CSNK1E: variants seen among roughly 807,000 people sequenced by gnomAD.
CSNK1E encodes the protein casein kinase I isoform epsilon.
CSNK1E carries 17 observed loss-of-function variants against 46.1 expected under a neutral mutation model. The observed-to-expected ratio is 0.37, with a 90% confidence interval of 0.25 to 0.55. CSNK1E has a LOEUF of 0.55. Among genes scored for constraint, CSNK1E ranks in the 20% least tolerant of loss-of-function variants. The probability of loss-of-function intolerance (pLI) is 0.82; values close to 1 mark genes in which losing one functional copy is unlikely to be tolerated. For missense variants in CSNK1E, 386 were observed against 595.4 expected (o/e 0.65, Z 3.66); for synonymous variants, 241 against 242.6 (o/e 0.99, Z 0.06).
At position 38,294,275 on chromosome 22, in the gene CSNK1E, C is replaced by T; in HGVS notation, c.1079-27G>A. ...TGGAGGGAGAGTGGGAAGCCACCCT[C>T]AGAGTAGGCACAAACAGAGCCCCCC... On this transcript the variant is annotated intron_variant, in intron 8 of 10. Coordinates refer to ENST00000396832, the MANE Select transcript of CSNK1E (RefSeq NM_152221.3). This position sits in a 1 kb window ranked among gnomAD's most constrained non-coding sequence, Gnocchi z 5.5. The T allele has an allele frequency of 6.2e-7, 1 of 1,608,156 alleles. No individual in the cohort carries two copies. Among genetic ancestry groups the T allele is most frequent in the Non-Finnish European group, 8.5e-7 (1 of 1,178,388 alleles).
At chr22:38,311,174 C>T (rs536327234) in intron 2 of CSNK1E, among the ~76,000 whole-genome samples, 10 of 152,152 alleles carry the variant, frequency 6.6e-5, no homozygotes, top group Admixed American at 5.2e-4. Context: ...GCCCAGCACA[C>T]GTGGGTATTT....
chr22:38,308,376 T>G (rs1006730766), intron 2 of CSNK1E, among the ~76,000 whole-genome samples: 1 of 152,056 alleles, frequency 6.6e-6, no homozygotes, highest in African/African-American at 2.4e-5. Flanking sequence ...TGAGGATCCT[T>G]AGAGTCCCCT....
At chr22:38,308,599 C>T (rs1203326138) in intron 2 of CSNK1E, among the ~76,000 whole-genome samples, 1 of 152,116 alleles carries the variant, frequency 6.6e-6, no homozygotes, top group African/African-American at 2.4e-5. Flanking sequence ...GACAGACAAA[C>T]ATGCTTACAA....
chr22:38,303,480 G>A lies in CSNK1E; in HGVS notation c.77-232C>T, dbSNP rs2092684420. On this transcript the variant is annotated intron_variant, in intron 2 of 10. Coordinates refer to ENST00000396832, the MANE Select transcript of CSNK1E (RefSeq NM_152221.3). The surrounding 1 kb of genome is among the most constrained non-coding windows in gnomAD (Gnocchi z 4.7). ...GAGGTGACACACAAGGGCTACCCAG[G>A]GCCACAGGTTGGGGCGACAAGAAGG... Among the ~76,000 whole-genome samples the A allele has an allele frequency of 6.6e-6, 1 of 152,192 alleles. No homozygotes were observed. Among genetic ancestry groups the A allele is most frequent in the Admixed American group, 6.5e-5 (1 of 15,278 alleles).
At chr22:38,311,787 T>C (rs1359954706) in intron 2 of CSNK1E, among the ~76,000 whole-genome samples, 2 of 150,828 alleles carry the variant, frequency 1.3e-5, no homozygotes, top group Non-Finnish European at 2.9e-5. Flanking sequence ...GGCCCCCACA[T>C]CTCAGCCCTT....
chr22:38,304,601 G>C (rs1291771228), intron 2 of CSNK1E, among the ~76,000 whole-genome samples: 2 of 152,190 alleles, frequency 1.3e-5, no homozygotes, highest in African/African-American at 2.4e-5. Context: ...CAGTGGCGCA[G>C]TCACCAGGGA....
intron 2 of CSNK1E, among the ~76,000 whole-genome samples, chr22:38,312,430 A>G (rs2092725030): frequency 6.6e-6 from 1 of 152,154 alleles, no homozygotes; most frequent in Non-Finnish European, 1.5e-5. Context: ...GCTACTGTGC[A>G]TGTCTGTGCA....
At chr22:38,315,868 C>A (rs1044219103) in intron 1 of CSNK1E, among the ~76,000 whole-genome samples, 1 of 152,160 alleles carries the variant, frequency 6.6e-6, no homozygotes, top group Non-Finnish European at 1.5e-5. Flanking sequence ...TCCCCACTCA[C>A]CGGCTGTCTG....
Position 38,298,799 on chromosome 22 carries a change from T to C in CSNK1E, c.872A>G (p.Asn291Ser). The change falls in exon 7 of 11, where the codon AAC becomes AGC. Residue 291 changes from asparagine to serine, a missense_variant. Coordinates refer to ENST00000396832, the MANE Select transcript of CSNK1E (RefSeq NM_152221.3). This position sits in a 1 kb window ranked among gnomAD's most constrained non-coding sequence, Gnocchi z 4.2. The stretch of plus-strand genomic sequence containing the variant: ...CAGGTGACTCACGAATTTCAGCATG[T>C]TCCAGTCAAAGACGTAGTCATAGGA... ...GFSYDYVFDW[N>S]MLKFGAARNP... 6.2e-7 allele frequency: 1 copy of C among 1,614,104 alleles called. No individual in the cohort carries two copies. The highest frequency in any genetic ancestry group is 8.5e-7 in the Non-Finnish European group (1 of 1,179,992).
intron 2 of CSNK1E, among the ~76,000 whole-genome samples, chr22:38,313,748 G>A (rs537927457): frequency 6.6e-6 from 1 of 152,322 alleles, no homozygotes; most frequent in African/African-American, 2.4e-5. Context: ...CCTTCTCCCA[G>A]GAAGCAGGGG....
rs2092711381 is a variant in CSNK1E, at chr22:38,309,319, CT to C, written c.76+4762del. On this transcript the variant is annotated intron_variant, in intron 2 of 10. Coordinates refer to ENST00000396832, the MANE Select transcript of CSNK1E (RefSeq NM_152221.3). This position sits in a 1 kb window ranked among gnomAD's most constrained non-coding sequence, Gnocchi z 4.8. ...GGCAGGGTGCAGAAACTGATTGACACTTTGGAGGCAGGGCCTGCAGCACTTG... is the reference window on the plus strand; with the variant it reads ...GGCAGGGTGCAGAAACTGATTGACACTTGGAGGCAGGGCCTGCAGCACTTG... 6.6e-6 allele frequency among the ~76,000 whole-genome samples: 1 copy of C among 152,194 alleles called. No individual in the cohort carries two copies. Among genetic ancestry groups the C allele is most frequent in the Non-Finnish European group, 1.5e-5 (1 of 68,038 alleles).
At chr22:38,302,660 G>A (rs1341037918) in intron 4 of CSNK1E, among the ~76,000 whole-genome samples, 2 of 152,194 alleles carry the variant, frequency 1.3e-5, no homozygotes, top group Non-Finnish European at 2.9e-5. Context: ...GCAACGAGCT[G>A]AGATCGCACC....
Position 38,302,984 on chromosome 22 carries a change from G to T in CSNK1E, c.213C>A (p.Cys71Ter), listed in dbSNP as rs571239023. 1 of 1,613,978 alleles carries T rather than the reference G, an allele frequency of 6.2e-7. No homozygotes were observed. The highest frequency in any genetic ancestry group is 2.2e-5 in the East Asian group (1 of 44,870). The part of the protein sequence containing the change: ...GGVGIPSIKW[C>*]GAEGDYNVMV... Reference sequence around the variant, plus strand: ...TCACGTTGTAGTCGCCCTCAGCTCCGCACCACTTGATGGACGGGATCCCCA... The same window carrying T: ...TCACGTTGTAGTCGCCCTCAGCTCCTCACCACTTGATGGACGGGATCCCCA... Residue 71 changes from cysteine to a stop codon, truncating the protein, a stop_gained, in exon 4 of 11, where the codon TGC (cysteine) becomes TGA (stop). Coordinates refer to ENST00000396832, the MANE Select transcript of CSNK1E (RefSeq NM_152221.3). LOFTEE classifies it high-confidence loss of function.
intron 1 of CSNK1E, 67 bp downstream of exon 1, chr22:38,317,093 G>A (rs1189097159): frequency 6.6e-6 from 1 of 151,508 alleles, no homozygotes; most frequent in Non-Finnish European, 1.5e-5. Flanking sequence ...AAAACAAAGA[G>A]GCTGAGGGAG....
At chr22:38,306,508 G>A (rs1009307295) in intron 2 of CSNK1E, among the ~76,000 whole-genome samples, 1 of 152,100 alleles carries the variant, frequency 6.6e-6, no homozygotes, top group Non-Finnish European at 1.5e-5. Flanking sequence ...CGAGGCAGGC[G>A]GATCACAAGG....
At position 38,297,118 on chromosome 22, in the gene CSNK1E, G is replaced by A. The variant is rs117613622; in HGVS notation, c.885+1668C>T. ...AATTTTAATTCATTAAAAATGTGTCGCATGTGGCCAATGGCTACCATCTTG... is the reference window on the plus strand; with the variant it reads ...AATTTTAATTCATTAAAAATGTGTCACATGTGGCCAATGGCTACCATCTTG... On this transcript the variant is annotated intron_variant, in intron 7 of 10. Coordinates refer to ENST00000396832, the MANE Select transcript of CSNK1E (RefSeq NM_152221.3). The A allele has an allele frequency of 1.5e-4, 115 of 778,556 alleles. 1 individual carries two copies. In the East Asian group the frequency reaches 2.2e-3, roughly 15 times the overall value. 48.2% of individuals were successfully genotyped at this position (778,556 alleles called of 1,614,324 possible).
At position 38,302,869 on chromosome 22, in the gene CSNK1E, C is replaced by T. The variant is rs1322444471; in HGVS notation, c.328G>A (p.Asp110Asn). Residue 110 changes from aspartate (D) to asparagine (N), a missense_variant, in exon 4 of 11, where the codon GAC (aspartate) becomes AAC (asparagine). This residue lies in a region of CSNK1E where 212 missense variants were observed against 410.2 expected (regional missense o/e 0.52). Transcript: ENST00000396832. ...AGGGGACGGGGACTCACCATCTGGT[C>T]GGCCAAGAGCAGCACCGTCTTGAGG... ...FSLKTVLLLADQMISRIEYIH... is the reference protein window; with the variant it reads ...FSLKTVLLLANQMISRIEYIH... 3.1e-6 allele frequency: 5 copies of T among 1,613,938 alleles called. No individual in the cohort carries two copies. The highest frequency in any genetic ancestry group is 4.2e-6 in the Non-Finnish European group (5 of 1,179,994).
Position 38,299,986 on chromosome 22 carries a change from C to T in CSNK1E, c.645G>A (p.Gly215=), listed in dbSNP as rs2092662500. ...YFNLGSLPWQ[G]LKAATKRQKY... is the part of the protein sequence containing the mutation. The stretch of plus-strand genomic sequence containing the variant: ...TCTGGCGCTTGGTGGCTGCTTTGAG[C>T]CCCTGCCAGGGCAGGGAGCCCAGGT... Residue 215 remains glycine (G), a synonymous_variant, in exon 6 of 11, where the codon GGG becomes GGA. Coordinates refer to ENST00000396832, the MANE Select transcript of CSNK1E (RefSeq NM_152221.3). 3 of 1,614,064 alleles carry T rather than the reference C, an allele frequency of 1.9e-6. No homozygotes were observed. The highest frequency in any genetic ancestry group is 1.7e-6 in the Non-Finnish European group (2 of 1,180,030).
Position 38,303,615 on chromosome 22 carries a change from T to A in CSNK1E, c.77-367A>T, listed in dbSNP as rs1424284855. ...GGCAGTGAGGTCTGTCGGGTTGAGATGGTGGCACGTGCAGAAGAGGCCCAA... is the reference window on the plus strand; with the variant it reads ...GGCAGTGAGGTCTGTCGGGTTGAGAAGGTGGCACGTGCAGAAGAGGCCCAA... On this transcript the variant is annotated intron_variant, in intron 2 of 10. Coordinates refer to ENST00000396832, the MANE Select transcript of CSNK1E (RefSeq NM_152221.3). This position sits in a 1 kb window ranked among gnomAD's most constrained non-coding sequence, Gnocchi z 4.7. Among the ~76,000 whole-genome samples the A allele has an allele frequency of 6.6e-6, 1 of 152,094 alleles. No homozygotes were observed.
Sources: gnomAD v4.1 joint callset for allele counts (sites outside exome capture counted in the v4.1 genomes callset) on GRCh38, gnomAD v4.1.1 for gene constraint, gnomAD v4.1.1 regional missense constraint, Gnocchi (gnomAD v3.1) non-coding constraint, MANE v1.5 for transcripts, NCBI Gene and HGNC (gene_info 2026-07-23, HGNC 2026-07-21) for gene names.